The following FBXO40 variants were observed in gnomAD, a reference collection of about 807,000 sequenced individuals.
FBXO40 encodes the protein F-box only protein 40.
A neutral mutation model predicts 49.9 loss-of-function variants in FBXO40; 50 were observed. The observed-to-expected ratio is 1.00, with a 90% confidence interval of 0.80 to 1.27. The LOEUF (loss-of-function observed/expected upper bound fraction) is 1.27, where lower values mean the gene tolerates loss of function less well. FBXO40 is among the 50% of genes most tolerant of loss of function. The pLI is 0.00. For missense variants in FBXO40, 895 were observed against 870.1 expected (o/e 1.03, Z -0.36); for synonymous variants, 340 against 320.2 (o/e 1.06, Z -0.66).
intron 1 of FBXO40, among the ~76,000 whole-genome samples, chr3:121,617,547 A>G (rs2049005015): frequency 6.6e-6 from 1 of 152,144 alleles, no homozygotes. Flanking sequence ...GTGAGCCAAG[A>G]TTGCGCCATT....
In FBXO40 at chr3:121,627,623, C is replaced by G. The variant is rs890097001; in HGVS notation, c.*713C>G. 2.6e-6 allele frequency: 1 copy of G among 384,866 alleles called. No homozygotes were observed. The highest frequency in any genetic ancestry group is 3.7e-5 in the East Asian group (1 of 26,976). The allele number at this position is 384,866 out of a possible 1,614,324, so 23.8% of individuals were successfully genotyped here. On this transcript the variant is annotated 3_prime_UTR_variant, in exon 4 of 4. Coordinates refer to ENST00000338040, the MANE Select transcript of FBXO40 (RefSeq NM_016298.4). Reference sequence around the variant, plus strand: ...TGATAAATCGGGAGTCCAAAGGAGACACCATATTTATGGAGAACATTAGGA... The same window carrying G: ...TGATAAATCGGGAGTCCAAAGGAGAGACCATATTTATGGAGAACATTAGGA...
At chr3:121,607,118 A>T (rs184417617) in intron 1 of FBXO40, among the ~76,000 whole-genome samples, 1 of 151,964 alleles carries the variant, frequency 6.6e-6, no homozygotes, top group Admixed American at 6.5e-5. Context: ...TACAAAAATT[A>T]GCTGGGCATA....
chr3:121,621,621 G>A lies in FBXO40; in HGVS notation c.192G>A (p.Pro64=), dbSNP rs199527961. The change falls in exon 3 of 4, where the codon CCG becomes CCA. Residue 64 remains proline (P), a synonymous_variant. Coordinates refer to ENST00000338040, the MANE Select transcript of FBXO40 (RefSeq NM_016298.4). ...TCCTCTGCCCTTTAGAGCAGGTTCC[G>A]TGCCTCAACTCCGAATATGGCTGCC... is the stretch of plus-strand genomic sequence containing the variant. The part of the protein sequence containing the change: ...HQLLCPLEQV[P]CLNSEYGCPL... The A allele has an allele frequency of 9.5e-5, 154 of 1,614,196 alleles. No homozygotes were observed. Among genetic ancestry groups the A allele is most frequent in the Non-Finnish European group, 1.1e-4 (133 of 1,180,022 alleles).
intron 1 of FBXO40, 39 bp from the exon 2 acceptor site, chr3:121,620,507 T>C (rs7640859): frequency 0.91 from 1,450,497 of 1,592,306 alleles, 661,271 homozygotes; most frequent in African/African-American, 0.97. Flanking sequence ...AACCTAACTG[T>C]TTTTCTTACT....
At position 121,629,809 on chromosome 3, in the gene FBXO40, TG is replaced by T. The variant is rs1477073075; in HGVS notation, c.*2900del. ...GACTATGGATTAGACAGAAATGATT[TG>T]TGAGAGGAAGCTGGAGTGAACAGCA... On this transcript the variant is annotated 3_prime_UTR_variant, in exon 4 of 4. Transcript: ENST00000338040. 2 of 152,332 alleles carry T rather than the reference TG, an allele frequency of 1.3e-5. No individual in the cohort carries two copies. The highest frequency in any genetic ancestry group is 4.8e-5 in the African/African-American group (2 of 41,560). 9.4% of individuals were successfully genotyped at this position (152,332 alleles called of 1,614,324 possible). A position where few individuals can be genotyped will look rare whatever the true frequency, so the allele number is the denominator to read the frequency against.
intron 1 of FBXO40, among the ~76,000 whole-genome samples, chr3:121,605,528 A>G (rs1170286231): frequency 6.6e-6 from 1 of 152,230 alleles, no homozygotes; most frequent in Non-Finnish European, 1.5e-5. Context: ...TTCCTAACAC[A>G]GTGGGACTAC....
chr3:121,617,348 C>G (rs2049002895), intron 1 of FBXO40, among the ~76,000 whole-genome samples: 1 of 152,098 alleles, frequency 6.6e-6, no homozygotes, highest in African/African-American at 2.4e-5. Flanking sequence ...GTAATCCCAG[C>G]ACTTTGGGAG....
At chr3:121,613,465 T>A (rs1476799167) in intron 1 of FBXO40, among the ~76,000 whole-genome samples, 1 of 152,072 alleles carries the variant, frequency 6.6e-6, no homozygotes. Flanking sequence ...CAAAACTATT[T>A]CAGGGCAAAA....
chr3:121,597,093 C>G (rs13098081), intron 1 of FBXO40, among the ~76,000 whole-genome samples: 14,610 of 152,206 alleles, frequency 0.096, 807 homozygotes, highest in South Asian at 0.11. Flanking sequence ...TGGAACCTCT[C>G]TCACCATTCT....
chr3:121,621,574 T>A lies in FBXO40; in HGVS notation c.145T>A (p.Cys49Ser). 1.9e-6 allele frequency: 3 copies of A among 1,614,210 alleles called. No homozygotes were observed. Among genetic ancestry groups the A allele is most frequent in the Non-Finnish European group, 2.5e-6 (3 of 1,180,032 alleles). The change falls in exon 3 of 4, where the codon TGC (cysteine) becomes AGC (serine). Residue 49 changes from cysteine to serine, a missense_variant. Cys to Ser is a moderately radical substitution (Grantham distance 112). Transcript: ENST00000338040. ...GCTCTGTGGTGCCACCTTCCACATG[T>A]GCAAAGAGGCAGAGCACCAGCTCCT... is the stretch of plus-strand genomic sequence containing the variant. The part of the protein sequence containing the change: ...HLLCGATFHM[C>S]KEAEHQLLCP...
At position 121,621,453 on chromosome 3, in the gene FBXO40, G is replaced by A. The variant is rs764262347; in HGVS notation, c.24G>A (p.Pro8=). 68 of 1,613,458 alleles carry A rather than the reference G, an allele frequency of 4.2e-5. No homozygotes were observed. The highest frequency in any genetic ancestry group is 1.6e-4 in the South Asian group (15 of 90,994). Residue 8 remains proline (P), a synonymous_variant, in exon 3 of 4, where the codon CCG becomes CCA. Transcript: ENST00000338040. MGKARRS[P]PGHHRHCEGC... is the part of the protein sequence containing the mutation. ...TCCAGGGGAAAGCCCGCAGATCCCCGCCAGGGCACCACAGGCATTGTGAGG... is the reference window on the plus strand; with the variant it reads ...TCCAGGGGAAAGCCCGCAGATCCCCACCAGGGCACCACAGGCATTGTGAGG...
At chr3:121,611,479 GAATAACAAGGCAGCATTGCTGTAAACA>G (rs1490699282) in intron 1 of FBXO40, among the ~76,000 whole-genome samples, 4 of 152,176 alleles carry the variant, frequency 2.6e-5, no homozygotes, top group African/African-American at 9.7e-5. Flanking sequence ...GCGGAGTAAA[GAATAACAAGGCAGCATTGCTGTAAACA>G]TGTCTTGACT....
chr3:121,623,414 CT>C (rs2049045414), intron 3 of FBXO40, 71 bp downstream of exon 3: 1 of 1,335,888 alleles, frequency 7.5e-7, no homozygotes, highest in African/African-American at 1.4e-5. Context: ...GACAGGTTCT[CT>C]CTCTGTTGCC....
intron 1 of FBXO40, among the ~76,000 whole-genome samples, chr3:121,620,244 G>A (rs1353209761): frequency 1.3e-5 from 2 of 152,226 alleles, no homozygotes; most frequent in African/African-American, 4.8e-5. Flanking sequence ...ATAGGAAGCA[G>A]AAGTTAACAT....
chr3:121,621,670 C>A lies in FBXO40; in HGVS notation c.241C>A (p.Leu81Met). The change falls in exon 3 of 4, where the codon CTG becomes ATG. Residue 81 changes from leucine (L) to methionine (M), a missense_variant. Transcript: ENST00000338040. ...CCCTCTGTCCATGTCCCGCCACAAA[C>A]TGGCCAAGCACCTGCAGGTGTGCCC... ...GCPLSMSRHK[L>M]AKHLQVCPAS... The A allele has an allele frequency of 7.4e-6, 12 of 1,614,234 alleles. No individual in the cohort carries two copies. Among genetic ancestry groups the A allele is most frequent in the Non-Finnish European group, 1.0e-5 (12 of 1,180,016 alleles).
chr3:121,613,191 C>T (rs1329190079), intron 1 of FBXO40, among the ~76,000 whole-genome samples: 3 of 152,116 alleles, frequency 2.0e-5, no homozygotes, highest in African/African-American at 7.2e-5. Context: ...TCCACCAGGA[C>T]TGAAGGTGCT....
intron 1 of FBXO40, among the ~76,000 whole-genome samples, chr3:121,616,105 C>T (rs965710820): frequency 2.6e-5 from 4 of 152,164 alleles, no homozygotes; most frequent in African/African-American, 9.7e-5. Flanking sequence ...TGCTCTGTTC[C>T]TCTCCTTCTC....
At chr3:121,599,031 T>C (rs2048887076) in intron 1 of FBXO40, among the ~76,000 whole-genome samples, 1 of 151,258 alleles carries the variant, frequency 6.6e-6, no homozygotes, top group Admixed American at 6.6e-5. Context: ...CTAAACTATA[T>C]TAGTTTGACT....
chr3:121,626,917 A>G lies in FBXO40; in HGVS notation c.*7A>G. The G allele has an allele frequency of 6.2e-7, 1 of 1,613,486 alleles. No individual in the cohort carries two copies. The highest frequency in any genetic ancestry group is 2.2e-5 in the East Asian group (1 of 44,880). ...AGGAAGATACGTCTCCTAAAAATTCAGATGCCACTCGATGCACCCTTCTTG... is the reference window on the plus strand; with the variant it reads ...AGGAAGATACGTCTCCTAAAAATTCGGATGCCACTCGATGCACCCTTCTTG... On this transcript the variant is annotated 3_prime_UTR_variant, in exon 4 of 4. Transcript: ENST00000338040.
Sources: gnomAD v4.1 joint callset for allele counts (sites outside exome capture counted in the v4.1 genomes callset) on GRCh38, gnomAD v4.1.1 for gene constraint, MANE v1.5 for transcripts, NCBI Gene and HGNC (gene_info 2026-07-23, HGNC 2026-07-21) for gene names.